PTPRT: variants seen among roughly 807,000 people sequenced by gnomAD.
PTPRT encodes protein tyrosine phosphatase receptor type T, also known as receptor-type tyrosine-protein phosphatase T.
Under a neutral mutation model 176.8 loss-of-function variants are expected in PTPRT, and 56 were observed. The ratio of observed to expected loss-of-function variants is 0.32; its 90% confidence interval spans 0.26 to 0.40. The LOEUF (loss-of-function observed/expected upper bound fraction) is 0.40, where lower values mean the gene tolerates loss of function less well. Among genes scored for constraint, PTPRT ranks in the 10% least tolerant of loss-of-function variants. PTPRT has a pLI of 1.00. For missense variants in PTPRT, 1,540 were observed against 1,908.2 expected (o/e 0.81, Z 3.60); for synonymous variants, 783 against 739.0 (o/e 1.06, Z -0.96).
rs55653344 is a variant in PTPRT at position 42,217,426 on chromosome 20, G to A, written c.2343-18038C>T. On this transcript the variant is annotated intron_variant, in intron 15 of 30. Coordinates refer to ENST00000373187, the MANE Select transcript of PTPRT (RefSeq NM_007050.6). The stretch of plus-strand genomic sequence containing the variant: ...ACACACACACACACACACACACACA[G>A]AACATTACGTCCATCCCCCACTCCA... 8.3e-4 allele frequency among the ~76,000 whole-genome samples: 52 copies of A among 62,926 alleles called. 1 individual carries two copies. Among genetic ancestry groups the A allele is most frequent in the African/African-American group, 3.9e-3 (51 of 13,158 alleles). 41.3% of individuals were successfully genotyped at this position (62,926 alleles called of 152,430 possible).
At chr20:42,880,550 C>T (rs2078998468) in intron 2 of PTPRT, among the ~76,000 whole-genome samples, 2 of 152,162 alleles carry the variant, frequency 1.3e-5, no homozygotes, top group Admixed American at 1.3e-4. Flanking sequence ...TTCCTTCAGC[C>T]CCCAGGATGC....
chr20:42,225,850 G>C (rs1157274365), intron 15 of PTPRT, among the ~76,000 whole-genome samples: 1 of 152,026 alleles, frequency 6.6e-6, no homozygotes, highest in Non-Finnish European at 1.5e-5. Context: ...ATGGGGTCTC[G>C]CCATGTTGGT....
intron 15 of PTPRT, among the ~76,000 whole-genome samples, chr20:42,209,884 T>G (rs1024431984): frequency 3.6e-4 from 55 of 152,078 alleles, no homozygotes; most frequent in African/African-American, 2.2e-4. Flanking sequence ...TGAACATTGA[T>G]GCAAAAATCC....
At chr20:42,754,854 T>C (rs1041647310) in intron 6 of PTPRT, among the ~76,000 whole-genome samples, 3 of 152,136 alleles carry the variant, frequency 2.0e-5, no homozygotes, top group African/African-American at 7.2e-5. Flanking sequence ...AAATGACTGA[T>C]TGTGCAAGTC....
At chr20:42,644,483 T>C (rs945578494) in intron 7 of PTPRT, among the ~76,000 whole-genome samples, 14 of 152,166 alleles carry the variant, frequency 9.2e-5, no homozygotes, top group Non-Finnish European at 1.9e-4. Flanking sequence ...CCTTCTCTTA[T>C]CAATATGCTC....
the PTPRT span, among the ~76,000 whole-genome samples, chr20:42,044,332 T>C: frequency 6.6e-6 from 1 of 152,248 alleles, no homozygotes; most frequent in Non-Finnish European, 1.5e-5. Flanking sequence ...CTTGTTCAGA[T>C]GTCCCAAATA....
At chr20:42,399,538 G>A (rs2058885270) in intron 9 of PTPRT, among the ~76,000 whole-genome samples, 1 of 152,212 alleles carries the variant, frequency 6.6e-6, no homozygotes, top group Non-Finnish European at 1.5e-5. Context: ...AGAGCCCACA[G>A]AGGATTCTGA....
chr20:42,384,607 C>A (rs6065471), intron 9 of PTPRT, among the ~76,000 whole-genome samples: 1 of 151,966 alleles, frequency 6.6e-6, no homozygotes, highest in Non-Finnish European at 1.5e-5. Context: ...AACTTCAATT[C>A]TTTTGGGTAT....
At chr20:42,640,514 G>A (rs1246649551) in intron 7 of PTPRT, among the ~76,000 whole-genome samples, 1 of 151,980 alleles carries the variant, frequency 6.6e-6, no homozygotes, top group Non-Finnish European at 1.5e-5. Context: ...TCAGGTTCCC[G>A]AGTAGCTGGG....
chr20:42,236,304 G>A (rs1483624915), intron 14 of PTPRT, 46 bp from the exon 15 acceptor site: 1 of 1,448,804 alleles, frequency 6.9e-7, no homozygotes, highest in Non-Finnish European at 9.6e-7. Flanking sequence ...CCAAAATGGG[G>A]GAAAAAGAAA....
chr20:43,127,442 G>C (rs907934230), intron 1 of PTPRT, among the ~76,000 whole-genome samples: 6 of 148,676 alleles, frequency 4.0e-5, no homozygotes, highest in African/African-American at 1.5e-4. Context: ...AAAAAAAATA[G>C]CTAATCAGAA....
At chr20:42,816,082 G>C (rs1019759461) in intron 2 of PTPRT, among the ~76,000 whole-genome samples, 1 of 152,190 alleles carries the variant, frequency 6.6e-6, no homozygotes, top group African/African-American at 2.4e-5. Context: ...GCTGAAGCCA[G>C]TAATACTAAC....
chr20:42,120,291 C>A (rs1183049757), intron 19 of PTPRT, among the ~76,000 whole-genome samples: 2 of 152,100 alleles, frequency 1.3e-5, no homozygotes, highest in African/African-American at 4.8e-5. Context: ...AAGGAGTTTC[C>A]AGGTTTATGG....
At chr20:42,187,251 G>A (rs1429247700) in intron 16 of PTPRT, among the ~76,000 whole-genome samples, 3 of 152,058 alleles carry the variant, frequency 2.0e-5, no homozygotes. Context: ...GCTACTAATG[G>A]TTATTATTTT....
rs142827731 is a variant in PTPRT, at chr20:42,591,845, C to G, written c.1153+86021G>C. Among the ~76,000 whole-genome samples, 510 of 152,062 alleles carry G rather than the reference C, an allele frequency of 3.4e-3. 12 individuals carry two copies. In the South Asian group the frequency reaches 0.04, roughly 12 times the overall value. ...GGCACAATGACCATGGCTTCAGAAA[C>G]CAGTTGAGCATTTAAATGAGAATAA... On this transcript the variant is annotated intron_variant, in intron 7 of 30. Transcript: ENST00000373187.
At position 42,679,057 on chromosome 20, in the gene PTPRT, T is replaced by C. The variant is rs1454795741; in HGVS notation, c.860-898A>G. 2.6e-5 allele frequency among the ~76,000 whole-genome samples: 4 copies of C among 152,170 alleles called. No homozygotes were observed. In the East Asian group the frequency reaches 5.8e-4, roughly 22 times the overall value. On this transcript the variant is annotated intron_variant, in intron 6 of 30. Coordinates refer to ENST00000373187, the MANE Select transcript of PTPRT (RefSeq NM_007050.6). The stretch of plus-strand genomic sequence containing the variant: ...CAGGAATGAGGGGTTAAAGGAAAAG[T>C]TGTGCTGAGTTATCGTGCATCTACT...
chr20:42,943,368 G>A (rs893847628), intron 1 of PTPRT, among the ~76,000 whole-genome samples: 27 of 152,196 alleles, frequency 1.8e-4, no homozygotes, highest in Admixed American at 1.4e-3. Context: ...GAAGGGATAC[G>A]CACGCAGAGC....
At chr20:42,492,906 T>C (rs571561913) in intron 7 of PTPRT, among the ~76,000 whole-genome samples, 2 of 152,346 alleles carry the variant, frequency 1.3e-5, no homozygotes, top group South Asian at 2.1e-4. Flanking sequence ...CACTAATTTG[T>C]CAATATGTTA....
chr20:43,027,568 G>C (rs909805955), intron 1 of PTPRT, among the ~76,000 whole-genome samples: 11 of 152,036 alleles, frequency 7.2e-5, no homozygotes, highest in African/African-American at 2.4e-4. Context: ...AGAGACAGCA[G>C]GGACGTGTGG....
Sources: allele counts gnomAD v4.1 joint callset (sites outside exome capture counted in the v4.1 genomes callset), GRCh38; gene constraint gnomAD v4.1.1; transcripts MANE v1.5; gene names NCBI Gene and HGNC (gene_info 2026-07-23, HGNC 2026-07-21).